The following MEIS2 variants were observed in gnomAD, a reference collection of about 807,000 sequenced individuals.
MEIS2 encodes homeobox protein Meis2.
MEIS2 carries 9 observed loss-of-function variants against 58.6 expected under a neutral mutation model. That is an observed-to-expected ratio of 0.15 (90% CI 0.09 to 0.27). The LOEUF (loss-of-function observed/expected upper bound fraction) is 0.27. MEIS2 is among the 10% of genes least tolerant of loss of function. The probability of loss-of-function intolerance (pLI) is 1.00; values close to 1 mark genes in which losing one functional copy is unlikely to be tolerated. For missense variants in MEIS2, 427 were observed against 635.0 expected (o/e 0.67, Z 3.52); for synonymous variants, 221 against 228.4 (o/e 0.97, Z 0.29).
At position 36,931,841 on chromosome 15, in the gene MEIS2, C is replaced by T. The variant is rs1174693462; in HGVS notation, c.977+18483G>A. ...TTTTAATCTAATACTACATTAGTGT[C>T]GCTATTCTTAAAGTTATTACACCGT... On this transcript the variant is annotated intron_variant, in intron 9 of 11. Transcript: ENST00000561208. Among the ~76,000 whole-genome samples the T allele has an allele frequency of 3.9e-5, 6 of 152,238 alleles. 1 individual carries two copies. The South Asian group carries it at 1.0e-3, about 26-fold the overall frequency.
At chr15:37,088,502 T>G (rs1289266223) in intron 6 of MEIS2, among the ~76,000 whole-genome samples, 1 of 152,166 alleles carries the variant, frequency 6.6e-6, no homozygotes, top group East Asian at 1.9e-4. Flanking sequence ...CTTGGGGTAC[T>G]GAAGTCTACA....
chr15:37,095,442 C>T (rs903740131), intron 4 of MEIS2, 122 bp downstream of exon 4: 1 of 1,467,718 alleles, frequency 6.8e-7, no homozygotes. Context: ...CTTCCTCCCT[C>T]TCTCCCTAGA....
intron 8 of MEIS2, among the ~76,000 whole-genome samples, chr15:37,015,666 G>T (rs557126589): frequency 3.3e-5 from 5 of 152,168 alleles, no homozygotes; most frequent in Middle Eastern, 3.4e-3. Context: ...GATGCTCTAG[G>T]AAAGGAGGAG....
rs1449147932 is a variant in MEIS2, at chr15:36,966,425, C to T, written c.901-16025G>A. Among the ~76,000 whole-genome samples the T allele has an allele frequency of 3.3e-5, 5 of 152,068 alleles. No individual in the cohort carries two copies. The East Asian group carries it at 7.7e-4, about 23-fold the overall frequency. On this transcript the variant is annotated intron_variant, in intron 8 of 11. Transcript: ENST00000561208. The stretch of plus-strand genomic sequence containing the variant: ...ATGATCTTAGTATCGCATCACCAGA[C>T]GAGTATTATGGCTAAAAGTAGGGGC...
chr15:36,920,550 T>C (rs1052543826), intron 9 of MEIS2, among the ~76,000 whole-genome samples: 2 of 152,138 alleles, frequency 1.3e-5, no homozygotes, highest in Admixed American at 1.3e-4. Flanking sequence ...CACTGATAAA[T>C]AAAAACAGGT....
intron 8 of MEIS2, among the ~76,000 whole-genome samples, chr15:36,963,812 A>G (rs1269062918): frequency 1.3e-5 from 2 of 152,186 alleles, no homozygotes; most frequent in Non-Finnish European, 2.9e-5. Flanking sequence ...TTGGCATTTG[A>G]CTGGTTATGC....
intron 9 of MEIS2, among the ~76,000 whole-genome samples, chr15:36,906,388 G>GA: frequency 6.6e-6 from 1 of 151,916 alleles, no homozygotes; most frequent in Non-Finnish European, 1.5e-5. Context: ...TGGTAGAAAT[G>GA]AAAAAGAAGT....
chr15:36,963,684 T>C (rs950962480), intron 8 of MEIS2, among the ~76,000 whole-genome samples: 3 of 149,234 alleles, frequency 2.0e-5, no homozygotes, highest in African/African-American at 7.3e-5. Flanking sequence ...CTTCATTTTA[T>C]TGTTGTGGTA....
At chr15:37,099,260 G>GCACGCA in intron 1 of MEIS2, 195 bp downstream of exon 1, 5 of 1,448,098 alleles carry the variant, frequency 3.5e-6, no homozygotes, top group Non-Finnish European at 3.6e-6. Flanking sequence ...ACACACGCAC[G>GCACGCA]CACACACACT....
At chr15:36,954,624 A>G (rs1187890237) in intron 8 of MEIS2, among the ~76,000 whole-genome samples, 5 of 152,086 alleles carry the variant, frequency 3.3e-5, no homozygotes, top group Non-Finnish European at 7.4e-5. Flanking sequence ...GACATCTCCA[A>G]GATCAGTTCT....
intron 7 of MEIS2, among the ~76,000 whole-genome samples, chr15:37,055,641 C>G (rs1053323786): frequency 1.3e-5 from 2 of 152,150 alleles, no homozygotes; most frequent in African/African-American, 4.8e-5. Flanking sequence ...CACTCCTTCT[C>G]CTTGAACAAA....
At chr15:36,952,137 A>T (rs566636652) in intron 8 of MEIS2, among the ~76,000 whole-genome samples, 25 of 152,292 alleles carry the variant, frequency 1.6e-4, no homozygotes, top group South Asian at 1.2e-3. Flanking sequence ...GAGATAATGA[A>T]TGACTGCACA....
chr15:37,086,211 A>G (rs1892861496), intron 6 of MEIS2, among the ~76,000 whole-genome samples: 1 of 152,196 alleles, frequency 6.6e-6, no homozygotes, highest in Non-Finnish European at 1.5e-5. Flanking sequence ...AATGTCATCC[A>G]ATAGCTATTA....
intron 8 of MEIS2, among the ~76,000 whole-genome samples, chr15:36,997,624 C>T (rs544311193): frequency 6.6e-6 from 1 of 151,826 alleles, no homozygotes; most frequent in African/African-American, 2.4e-5. Context: ...GGACTACAGG[C>T]ACCTGCCACC....
chr15:36,968,985 G>A (rs906179908), intron 8 of MEIS2, among the ~76,000 whole-genome samples: 1 of 152,130 alleles, frequency 6.6e-6, no homozygotes, highest in African/African-American at 2.4e-5. Flanking sequence ...ATCTTGAAAC[G>A]TAAACCGGCC....
chr15:37,062,420 A>G (rs547372521), intron 7 of MEIS2, among the ~76,000 whole-genome samples: 1 of 152,358 alleles, frequency 6.6e-6, no homozygotes, highest in South Asian at 2.1e-4. Context: ...AAATCAATAA[A>G]GTTTTAGTTG....
chr15:36,984,641 T>C (rs2060038973), intron 8 of MEIS2, among the ~76,000 whole-genome samples: 1 of 152,180 alleles, frequency 6.6e-6, no homozygotes, highest in South Asian at 2.1e-4. Context: ...CTTCCATTTT[T>C]TGCAAAAGTT....
chr15:37,011,352 T>C (rs1369902415), intron 8 of MEIS2, among the ~76,000 whole-genome samples: 2 of 152,206 alleles, frequency 1.3e-5, no homozygotes, highest in African/African-American at 4.8e-5. Context: ...AAGTCCAAGA[T>C]AGTTGAAATT....
intron 8 of MEIS2, among the ~76,000 whole-genome samples, chr15:36,971,012 C>T (rs1362369625): frequency 2.0e-5 from 3 of 151,808 alleles, no homozygotes; most frequent in Non-Finnish European, 4.4e-5. Flanking sequence ...TTTTAATTTT[C>T]CCATTGTATG....
Sources: allele counts gnomAD v4.1 joint callset (sites outside exome capture counted in the v4.1 genomes callset), GRCh38; gene constraint gnomAD v4.1.1; transcripts MANE v1.5; gene names NCBI Gene and HGNC (gene_info 2026-07-23, HGNC 2026-07-21).